The following UBE3D variants were observed in gnomAD, a reference collection of about 807,000 sequenced individuals.
UBE3D encodes the protein ubiquitin protein ligase E3D.
UBE3D carries 48 observed loss-of-function variants against 49.6 expected under a neutral mutation model. The ratio of observed to expected loss-of-function variants is 0.97; its 90% CI spans 0.77 to 1.23. UBE3D has a LOEUF of 1.23. UBE3D is among the 50% of genes most tolerant of loss of function. The pLI, the probability that UBE3D is intolerant of heterozygous loss-of-function variation, is 0.00. For missense variants in UBE3D, 452 were observed against 468.4 expected, an observed-to-expected ratio of 0.96 and a Z score of 0.32; for synonymous variants, 189 against 174.2, an observed-to-expected ratio of 1.08 and a Z score of -0.67.
At chr6:82,958,280 C>T (rs551127487) in intron 8 of UBE3D, among the ~76,000 whole-genome samples, 3 of 152,160 alleles carry the variant, frequency 2.0e-5, no homozygotes, top group African/African-American at 7.2e-5. Context: ...ATAAGAATAG[C>T]ATGCATTTTA....
chr6:83,061,065 T>C (rs921882376), intron 1 of UBE3D, among the ~76,000 whole-genome samples: 3 of 152,178 alleles, frequency 2.0e-5, no homozygotes, highest in African/African-American at 7.2e-5. Context: ...ATAACCAATT[T>C]GATGGAACAA....
At chr6:83,001,676 G>A (rs1779646924) in intron 8 of UBE3D, among the ~76,000 whole-genome samples, 1 of 151,748 alleles carries the variant, frequency 6.6e-6, no homozygotes, top group Admixed American at 6.5e-5. Flanking sequence ...CTCCATCTGA[G>A]AATGTTTGGC....
intron 9 of UBE3D, among the ~76,000 whole-genome samples, chr6:82,920,795 A>G (rs1688018739): frequency 6.6e-6 from 1 of 151,982 alleles, no homozygotes; most frequent in Admixed American, 6.6e-5. Context: ...TAAAGAAGTT[A>G]CCACGTAAGA....
intron 9 of UBE3D, among the ~76,000 whole-genome samples, chr6:82,949,464 T>C (rs113373128): frequency 4.6e-5 from 7 of 151,944 alleles, no homozygotes; most frequent in African/African-American, 7.2e-5. Flanking sequence ...ACAGATTCAA[T>C]GCAATCACTG....
chr6:82,935,787 GT>G (rs1393173549), intron 9 of UBE3D, among the ~76,000 whole-genome samples: 1 of 152,068 alleles, frequency 6.6e-6, no homozygotes, highest in Non-Finnish European at 1.5e-5. Flanking sequence ...GCGAAAAGGG[GT>G]ATAGAATTCT....
Position 83,019,084 on chromosome 6 carries a change from T to C in UBE3D, c.899A>G (p.Lys300Arg). Residue 300 changes from lysine (K) to arginine (R), a missense_variant, in exon 8 of 10, where the codon AAA (lysine) becomes AGA (arginine). Physicochemically the swap from Lys to Arg is conservative, Grantham distance 26 (BLOSUM62 2). Transcript: ENST00000369747. ...CAACAAGGGGAATTTTTTGATATATTTGGAATTTCTCAAAGATTCAATCAC... is the reference window on the plus strand; with the variant it reads ...CAACAAGGGGAATTTTTTGATATATCTGGAATTTCTCAAAGATTCAATCAC... ...SLVIESLRNS[K>R]YIKKFPLLEN... The C allele has an allele frequency of 6.2e-7, 1 of 1,613,910 alleles. No homozygotes were observed.
At chr6:82,918,910 G>A (rs1773117540) in intron 9 of UBE3D, among the ~76,000 whole-genome samples, 2 of 152,058 alleles carry the variant, frequency 1.3e-5, no homozygotes, top group East Asian at 3.9e-4. Context: ...TAATTGGTCA[G>A]GGAGATGGAT....
intron 1 of UBE3D, among the ~76,000 whole-genome samples, chr6:83,062,460 C>T (rs553108376): frequency 6.6e-6 from 1 of 152,166 alleles, no homozygotes; most frequent in African/African-American, 2.4e-5. Context: ...TCAGGAACCA[C>T]GCACCTCCCA....
intron 1 of UBE3D, among the ~76,000 whole-genome samples, chr6:83,061,396 T>C (rs1382352668): frequency 6.6e-6 from 1 of 152,238 alleles, no homozygotes; most frequent in Non-Finnish European, 1.5e-5. Context: ...AGCAACACAT[T>C]TCCCAATTGT....
intron 5 of UBE3D, among the ~76,000 whole-genome samples, chr6:83,027,410 T>A (rs986372367): frequency 1.9e-5 from 2 of 105,828 alleles, no homozygotes; most frequent in African/African-American, 3.6e-5. Context: ...TGCTCCAGCC[T>A]GGCGACAGAG....
chr6:82,889,159 C>G (rs1770938652), downstream of UBE3D, among the ~76,000 whole-genome samples: 1 of 152,184 alleles, frequency 6.6e-6, no homozygotes, highest in South Asian at 2.1e-4. Flanking sequence ...TCTTCTCTAA[C>G]TATAGACTAA....
chr6:82,883,301 A>T, the UBE3D span, among the ~76,000 whole-genome samples: 2 of 152,208 alleles, frequency 1.3e-5, no homozygotes, highest in South Asian at 4.1e-4. Context: ...TTTAACAGCC[A>T]GAGAGATTCA....
At chr6:82,929,510 T>C (rs1422682444) in intron 9 of UBE3D, among the ~76,000 whole-genome samples, 1 of 152,140 alleles carries the variant, frequency 6.6e-6, no homozygotes. Flanking sequence ...TTTCTAAAGA[T>C]GCCCTTTTCT....
At chr6:82,934,461 G>A (rs1774403585) in intron 9 of UBE3D, among the ~76,000 whole-genome samples, 1 of 152,162 alleles carries the variant, frequency 6.6e-6, no homozygotes, top group South Asian at 2.1e-4. Flanking sequence ...AATTGTTGCT[G>A]ACAAATGCTG....
intron 8 of UBE3D, among the ~76,000 whole-genome samples, chr6:83,005,883 T>A (rs1779943791): frequency 6.6e-6 from 1 of 152,070 alleles, no homozygotes; most frequent in South Asian, 2.1e-4. Context: ...AATAAGCTAG[T>A]CACAAGAAGA....
chr6:82,951,025 A>T (rs1265762906), intron 9 of UBE3D, among the ~76,000 whole-genome samples: 1 of 152,094 alleles, frequency 6.6e-6, no homozygotes, highest in African/African-American at 2.4e-5. Flanking sequence ...AAAGAATAAG[A>T]TCTAATATTT....
intron 7 of UBE3D, among the ~76,000 whole-genome samples, chr6:83,020,904 T>C (rs1386596139): frequency 6.6e-6 from 1 of 152,216 alleles, no homozygotes; most frequent in Non-Finnish European, 1.5e-5. Context: ...AAGTGCTCCA[T>C]ACCTGTTTAC....
At chr6:83,035,430 A>G (rs971585532) in intron 5 of UBE3D, among the ~76,000 whole-genome samples, 1 of 152,150 alleles carries the variant, frequency 6.6e-6, no homozygotes, top group African/African-American at 2.4e-5. Context: ...AGACTTTGTT[A>G]TTTGCAAAAT....
chr6:83,004,661 T>C (rs1779852420), intron 8 of UBE3D, among the ~76,000 whole-genome samples: 1 of 152,230 alleles, frequency 6.6e-6, no homozygotes, highest in South Asian at 2.1e-4. Context: ...TTCATTCATT[T>C]ACTCTAGCAT....
Sources: gnomAD v4.1 joint callset for allele counts (sites outside exome capture counted in the v4.1 genomes callset) on GRCh38, gnomAD v4.1.1 for gene constraint, MANE v1.5 for transcripts, NCBI Gene and HGNC (gene_info 2026-07-23, HGNC 2026-07-21) for gene names.